The following TSBP1 variants were observed in gnomAD, a reference collection of about 807,000 sequenced individuals.
TSBP1 encodes the protein testis-expressed basic protein 1.
A neutral mutation model predicts 68.8 loss-of-function variants in TSBP1; 56 were observed. The ratio of observed to expected loss-of-function variants is 0.81; its 90% CI spans 0.66 to 1.02. The LOEUF is 1.02. TSBP1 is among the 50% of genes least tolerant of loss of function. The pLI is 0.00. For missense variants in TSBP1, 502 were observed against 641.2 expected, an observed-to-expected ratio of 0.78 and a Z score of 2.34; for synonymous variants, 171 against 208.7, an observed-to-expected ratio of 0.82 and a Z score of 1.56.
At chr6:32,301,880 A>G (rs1765329309) in intron 20 of TSBP1, among the ~76,000 whole-genome samples, 1 of 151,144 alleles carries the variant, frequency 6.6e-6, no homozygotes, top group African/African-American at 2.4e-5. Flanking sequence ...TAGTTTTCCA[A>G]ATAAAAATAG....
chr6:32,295,208 C>T (rs1192208583), intron 22 of TSBP1, among the ~76,000 whole-genome samples: 1 of 151,746 alleles, frequency 6.6e-6, no homozygotes, highest in Non-Finnish European at 1.5e-5. Context: ...TGGTGGCACA[C>T]ACCTGTAACC....
At chr6:32,322,988 T>TA (rs1336176935) in intron 18 of TSBP1, 129 bp downstream of exon 19, 1 of 643,532 alleles carries the variant, frequency 1.6e-6, no homozygotes, top group Non-Finnish European at 2.7e-6. Context: ...ATTAGTATTT[T>TA]AAAAAAATTA....
intron 18 of TSBP1, among the ~76,000 whole-genome samples, chr6:32,319,230 A>T (rs1171587099): frequency 6.6e-6 from 1 of 152,186 alleles, no homozygotes; most frequent in East Asian, 1.9e-4. Flanking sequence ...CCTTAAAATC[A>T]CATTCAGTCG....
At chr6:32,324,083 G>T (rs1767941502) in intron 16 of TSBP1, among the ~76,000 whole-genome samples, 1 of 152,104 alleles carries the variant, frequency 6.6e-6, no homozygotes, top group Non-Finnish European at 1.5e-5. Context: ...TAATAAAATA[G>T]TAAGTTTGAT....
At chr6:32,312,759 G>A (rs1414178115) in intron 19 of TSBP1, among the ~76,000 whole-genome samples, 1 of 151,762 alleles carries the variant, frequency 6.6e-6, no homozygotes, top group Admixed American at 6.6e-5. Flanking sequence ...ACATTCAGTC[G>A]AACAGCAGGC....
At chr6:32,341,929 A>G (rs552676320) in intron 9 of TSBP1, among the ~76,000 whole-genome samples, 15 of 152,288 alleles carry the variant, frequency 9.8e-5, no homozygotes, top group Admixed American at 3.9e-4. Context: ...TAGGAAAAGC[A>G]CATAGATCAG....
chr6:32,360,881 CTCT>C (rs1772938287), intron 6 of TSBP1, among the ~76,000 whole-genome samples: 1 of 108,148 alleles, frequency 9.2e-6, no homozygotes, highest in African/African-American at 2.7e-5. Flanking sequence ...TTTTCTCTCT[CTCT>C]TTTTTTTTAT....
rs1769635883 is a variant in TSBP1 at position 32,336,080 on chromosome 6, G to A, written c.431-148C>T. The A allele has an allele frequency of 4.4e-6, 3 of 686,716 alleles. No individual in the cohort carries two copies. The Admixed American group carries it at 7.2e-5, about 16-fold the overall frequency. 42.5% of individuals were successfully genotyped at this position (686,716 alleles called of 1,614,324 possible). ...GAGTTGCTTGTATGGCGAGCCTCAG[G>A]CAGGCTCCCTGCACAATATAAGGGA... On this transcript the variant is annotated intron_variant, in intron 12 of 22. Coordinates refer to ENST00000612031, the Ensembl canonical transcript of TSBP1. The surrounding 1 kb of genome is among the most constrained non-coding windows in gnomAD (Gnocchi z 5.2).
At position 32,293,002 on chromosome 6, in the gene TSBP1, G is replaced by T. The variant is rs1316660257; in HGVS notation, c.1671C>A (p.Tyr557Ter). Residue 557 changes from tyrosine (Y) to a stop codon, truncating the protein, a stop_gained, in exon 23 of 23, where the codon TAC becomes TAA. Coordinates refer to ENST00000612031, the Ensembl canonical transcript of TSBP1. LOFTEE classifies it high-confidence loss of function. ...ATCCTTACTCTTCCACTTTTTTGTTGTACTTCCTTCCTGTATTTGCCTTCG... is the reference window on the plus strand; with the variant it reads ...ATCCTTACTCTTCCACTTTTTTGTTTTACTTCCTTCCTGTATTTGCCTTCG... The T allele has an allele frequency of 3.1e-6, 5 of 1,593,398 alleles. No individual in the cohort carries two copies. The highest frequency in any genetic ancestry group is 3.7e-5 in the Admixed American group (2 of 54,262).
chr6:32,293,415 C>A (rs775296133), exon 23 of TSBP1: 9 of 1,612,834 alleles, frequency 5.6e-6, no homozygotes, highest in Admixed American at 3.3e-5. Flanking sequence ...CCTTTTGGTA[C>A]CTTCAACTCA....
rs1765817929 is a variant in TSBP1 at position 32,306,815 on chromosome 6, A to G, written c.581-4186T>C. Among the ~76,000 whole-genome samples, 1 of 151,962 alleles carries G rather than the reference A, an allele frequency of 6.6e-6. No individual in the cohort carries two copies. The highest frequency in any genetic ancestry group is 2.4e-5 in the African/African-American group (1 of 41,352). Reference sequence around the variant, plus strand: ...CATCCTCAGTTTATCTCATGATACAAGGTTTTTCTGACTGTCATGTTTAAT... The same window carrying G: ...CATCCTCAGTTTATCTCATGATACAGGGTTTTTCTGACTGTCATGTTTAAT... On this transcript the variant is annotated intron_variant, in intron 19 of 22. Transcript: ENST00000612031. This position sits in a 1 kb window ranked among gnomAD's most constrained non-coding sequence, Gnocchi z 5.1.
intron 18 of TSBP1, among the ~76,000 whole-genome samples, chr6:32,319,461 C>G (rs2127585050): frequency 6.6e-6 from 1 of 152,282 alleles, no homozygotes; most frequent in South Asian, 2.1e-4. Context: ...CTATCATTTC[C>G]CTGTTCAAGC....
intron 10 of TSBP1, 130 bp from the exon 12 acceptor site, chr6:32,339,129 A>G: frequency 1.3e-6 from 1 of 782,554 alleles, no homozygotes; most frequent in Non-Finnish European, 2.3e-6. Context: ...GTAAGTAGGC[A>G]TTTTCCTTTT....
At position 32,335,583 on chromosome 6, in the gene TSBP1, C is replaced by T. The variant is rs1394853450; in HGVS notation, c.452-126G>A. The T allele has an allele frequency of 1.3e-6, 1 of 790,734 alleles. No individual in the cohort carries two copies. The highest frequency in any genetic ancestry group is 1.8e-6 in the Non-Finnish European group (1 of 569,706). The allele number at this position is 790,734 out of a possible 1,614,324, so 49.0% of individuals were successfully genotyped here. On this transcript the variant is annotated intron_variant, in intron 13 of 22. Coordinates refer to ENST00000612031, the Ensembl canonical transcript of TSBP1. This position sits in a 1 kb window ranked among gnomAD's most constrained non-coding sequence, Gnocchi z 5.5. ...GCATCACTATTGTCAAGTTCAGCTG[C>T]AGTTGAGTAGTAGAAATGGTGACTT...
chr6:32,311,779 G>A (rs1766429049), intron 19 of TSBP1, among the ~76,000 whole-genome samples: 1 of 152,166 alleles, frequency 6.6e-6, no homozygotes, highest in African/African-American at 2.4e-5. Flanking sequence ...TACAGTGATT[G>A]GGGGTATCTG....
intron 9 of TSBP1, among the ~76,000 whole-genome samples, chr6:32,345,629 G>A (rs947291259): frequency 2.6e-5 from 4 of 152,052 alleles, no homozygotes; most frequent in African/African-American, 9.7e-5. Flanking sequence ...AGAGCCTGGA[G>A]CATAATGCTC....
intron 6 of TSBP1, among the ~76,000 whole-genome samples, chr6:32,360,738 C>T (rs1384763451): frequency 6.6e-6 from 1 of 152,056 alleles, no homozygotes; most frequent in Non-Finnish European, 1.5e-5. Flanking sequence ...TGAATGCATC[C>T]TATCTGGTGT....
In TSBP1 at chr6:32,357,150, G is replaced by C. The variant is rs1182242069; in HGVS notation, c.218-1481C>G. 6.6e-6 allele frequency among the ~76,000 whole-genome samples: 1 copy of C among 152,058 alleles called. No individual in the cohort carries two copies. The highest frequency in any genetic ancestry group is 1.5e-5 in the Non-Finnish European group (1 of 68,006). On this transcript the variant is annotated intron_variant, in intron 6 of 22. Transcript: ENST00000612031. The surrounding 1 kb of genome is among the most constrained non-coding windows in gnomAD (Gnocchi z 4.7). The stretch of plus-strand genomic sequence containing the variant: ...GACTGAGATTTATAGGTTATGTTAG[G>C]GGGACTGGAAAGTCAGAGAAATAGT...
chr6:32,327,654 C>CTTTTTTTTTTTTCTTTCTTT (rs9281739), intron 16 of TSBP1, among the ~76,000 whole-genome samples: 1 of 146,994 alleles, frequency 6.8e-6, no homozygotes, highest in Non-Finnish European at 1.5e-5. Flanking sequence ...TTTTCTTTTT[C>CTTTTTTTTTTTTCTTTCTTT]TTTTTTTTTT....
Sources: allele counts gnomAD v4.1 joint callset (sites outside exome capture counted in the v4.1 genomes callset), GRCh38; gene constraint gnomAD v4.1.1; non-coding constraint Gnocchi (gnomAD v3.1); transcripts MANE v1.5; gene names NCBI Gene and HGNC (gene_info 2026-07-23, HGNC 2026-07-21).